Variants in CALD1 observed in about 807,000 individuals in gnomAD.
CALD1 encodes the protein caldesmon.
Under a neutral mutation model 99.9 loss-of-function variants are expected in CALD1, and 33 were observed. The observed-to-expected ratio is 0.33, with a 90% CI of 0.25 to 0.44. CALD1 has a LOEUF of 0.44. Among genes scored for constraint, CALD1 ranks in the 20% least tolerant of loss-of-function variants. The pLI, the probability that CALD1 is intolerant of heterozygous loss-of-function variation, is 1.00. For missense variants in CALD1, 861 were observed against 962.1 expected (o/e 0.89, Z 1.39); for synonymous variants, 310 against 325.0 (o/e 0.95, Z 0.50).
chr7:134,957,696 T>C (rs1441524765), intron 9 of CALD1, among the ~76,000 whole-genome samples: 5 of 152,216 alleles, frequency 3.3e-5, no homozygotes, highest in Non-Finnish European at 7.3e-5. Flanking sequence ...GCTAGGATTA[T>C]AGGTGTGAGC....
At chr7:134,773,893 G>A (rs1585906394) in intron 1 of CALD1, among the ~76,000 whole-genome samples, 1 of 151,980 alleles carries the variant, frequency 6.6e-6, no homozygotes, top group South Asian at 2.1e-4. Flanking sequence ...GAGGTAGGCC[G>A]GGTGAGGTGG....
intron 3 of CALD1, among the ~76,000 whole-genome samples, chr7:134,872,229 T>A (rs569941533): frequency 6.6e-6 from 1 of 152,056 alleles, no homozygotes. Flanking sequence ...TGGTGGTGGG[T>A]GCCTGTAATC....
chr7:134,774,140 A>C (rs980485286), intron 1 of CALD1, among the ~76,000 whole-genome samples: 5 of 151,108 alleles, frequency 3.3e-5, no homozygotes, highest in Non-Finnish European at 7.4e-5. Context: ...ACTGCACTCC[A>C]GCCTGGGTGA....
intron 1 of CALD1, among the ~76,000 whole-genome samples, chr7:134,760,078 A>G (rs1429856313): frequency 6.6e-6 from 1 of 152,224 alleles, no homozygotes; most frequent in Non-Finnish European, 1.5e-5. Context: ...CTGGATCGCC[A>G]GGTGCTCAGT....
In CALD1 at chr7:134,806,021, A is replaced by C; in HGVS notation, c.-130+26272A>C. Among the ~76,000 whole-genome samples, 2 of 151,946 alleles carry C rather than the reference A, an allele frequency of 1.3e-5. 1 individual carries two copies. Among genetic ancestry groups the C allele is most frequent in the Non-Finnish European group, 2.9e-5 (2 of 67,958 alleles). The stretch of plus-strand genomic sequence containing the variant: ...AGTAATCCACCCTCCTTGGCCTCCC[A>C]AAGTGCTGGGATTACAGGTGTAAGC... On this transcript the variant is annotated intron_variant, in intron 1 of 14. Transcript: ENST00000361675.
intron 2 of CALD1, among the ~76,000 whole-genome samples, chr7:134,848,357 A>T (rs1181040523): frequency 6.6e-6 from 1 of 152,208 alleles, no homozygotes; most frequent in Non-Finnish European, 1.5e-5. Flanking sequence ...ATGAAGTCTG[A>T]ATATTCACGC....
chr7:134,825,950 T>C (rs1041772242), intron 1 of CALD1, among the ~76,000 whole-genome samples: 8 of 151,952 alleles, frequency 5.3e-5, no homozygotes, highest in African/African-American at 1.9e-4. Flanking sequence ...TTAATTCAGG[T>C]TTCAAGAATC....
At chr7:134,712,050 G>GGAGGGAGGGAGGGAGA in the CALD1 span, among the ~76,000 whole-genome samples, 1 of 133,952 alleles carries the variant, frequency 7.5e-6, no homozygotes, top group Non-Finnish European at 1.6e-5. Context: ...AGGGAGAGAG[G>GGAGGGAGGGAGGGAGA]GAGGGAGGGA....
At chr7:134,711,804 C>T in the CALD1 span, among the ~76,000 whole-genome samples, 6 of 150,310 alleles carry the variant, frequency 4.0e-5, no homozygotes, top group African/African-American at 1.5e-4. Context: ...ATAACTAATA[C>T]AGGCTGTTAT....
chr7:134,937,840 G>A (rs924854739), intron 6 of CALD1, among the ~76,000 whole-genome samples: 3 of 152,178 alleles, frequency 2.0e-5, no homozygotes, highest in Non-Finnish European at 4.4e-5. Context: ...CTGTGGCAAT[G>A]AGTTGCAGAC....
intron 1 of CALD1, among the ~76,000 whole-genome samples, chr7:134,748,273 A>C (rs1385996897): frequency 2.0e-5 from 3 of 152,252 alleles, no homozygotes; most frequent in East Asian, 3.8e-4. Flanking sequence ...TTCACAGCTC[A>C]GGATGGATAG....
intron 13 of CALD1, chr7:134,963,061 G>A (rs1808400461): frequency 2.7e-6 from 1 of 364,226 alleles, no homozygotes; most frequent in South Asian, 2.2e-5. Context: ...GGATTTATGG[G>A]AAGTGCAATC....
the CALD1 span, among the ~76,000 whole-genome samples, chr7:134,733,124 A>C: frequency 6.6e-6 from 1 of 152,248 alleles, no homozygotes; most frequent in African/African-American, 2.4e-5. Context: ...AGAGAGGGGA[A>C]GGAGCGGCAG....
chr7:134,909,748 A>T (rs1392912608), intron 3 of CALD1, among the ~76,000 whole-genome samples: 1 of 152,190 alleles, frequency 6.6e-6, no homozygotes. Flanking sequence ...TAAATTAGAG[A>T]ATCCTCACCT....
intron 2 of CALD1, among the ~76,000 whole-genome samples, chr7:134,853,679 A>C (rs753962422): frequency 1.3e-5 from 2 of 152,172 alleles, no homozygotes; most frequent in Non-Finnish European, 2.9e-5. Context: ...CTAGTACATG[A>C]ATATTTCATA....
At chr7:134,964,183 C>A (rs1808495359) in intron 13 of CALD1, among the ~76,000 whole-genome samples, 1 of 152,112 alleles carries the variant, frequency 6.6e-6, no homozygotes, top group Non-Finnish European at 1.5e-5. Context: ...GGCGACAGAG[C>A]AAGACTGTCT....
At chr7:134,937,513 G>A (rs753023820) in intron 6 of CALD1, among the ~76,000 whole-genome samples, 6 of 151,848 alleles carry the variant, frequency 4.0e-5, no homozygotes, top group Admixed American at 1.3e-4. Context: ...CCTGCTGCTC[G>A]AAAGACTAGG....
intron 1 of CALD1, among the ~76,000 whole-genome samples, chr7:134,760,934 A>G (rs1048782063): frequency 6.6e-6 from 1 of 152,244 alleles, no homozygotes; most frequent in Non-Finnish European, 1.5e-5. Context: ...AGATCAAAAC[A>G]GTAAACGTTG....
chr7:134,923,209 C>A (rs1193086019), intron 3 of CALD1, among the ~76,000 whole-genome samples: 1 of 152,204 alleles, frequency 6.6e-6, no homozygotes, highest in South Asian at 2.1e-4. Flanking sequence ...GAGCTAAAAG[C>A]AGTTACCAAG....
Sources: gnomAD v4.1 joint callset for allele counts (sites outside exome capture counted in the v4.1 genomes callset) on GRCh38, gnomAD v4.1.1 for gene constraint, MANE v1.5 for transcripts, NCBI Gene and HGNC (gene_info 2026-07-23, HGNC 2026-07-21) for gene names.